The following USP45 variants were observed in gnomAD, a reference collection of about 807,000 sequenced individuals.
USP45 encodes the protein ubiquitin carboxyl-terminal hydrolase 45.
USP45 carries 89 observed loss-of-function variants against 95.8 expected under a neutral mutation model. The observed-to-expected ratio is 0.93, with a 90% CI of 0.78 to 1.11. The LOEUF is 1.11. Ranked by LOEUF, USP45 falls within the 50% of genes least tolerant of loss-of-function variation. The pLI is 0.00. For synonymous variants in USP45, 281 were observed against 316.2 expected (o/e 0.89, Z 1.18); for missense variants, 898 against 942.5 (o/e 0.95, Z 0.62).
chr6:99,490,802 G>A (rs909759646), intron 5 of USP45, among the ~76,000 whole-genome samples: 2 of 151,972 alleles, frequency 1.3e-5, no homozygotes, highest in African/African-American at 4.8e-5. Context: ...ATGAACCCGA[G>A]TGGGAGTGGC....
rs1348057709 is a variant in USP45 at position 99,470,696 on chromosome 6, A to G, written c.934-2078T>C. 5.3e-5 allele frequency among the ~76,000 whole-genome samples: 8 copies of G among 152,330 alleles called. No individual in the cohort carries two copies. The East Asian group carries it at 1.3e-3, about 26-fold the overall frequency. Reference sequence around the variant, plus strand: ...AGTTGATATAATTCAGACATTGTCTAAGCTAAAGTTGGCTTTTACACCTTG... The same window carrying G: ...AGTTGATATAATTCAGACATTGTCTGAGCTAAAGTTGGCTTTTACACCTTG... On this transcript the variant is annotated intron_variant, in intron 9 of 17. Transcript: ENST00000500704.
intron 1 of USP45, among the ~76,000 whole-genome samples, chr6:99,510,470 C>G (rs1255331789): frequency 6.6e-6 from 1 of 152,066 alleles, no homozygotes; most frequent in African/African-American, 2.4e-5. Context: ...GTTTGTGTCC[C>G]CACTCCAAAT....
rs1446058187 is a variant in USP45, at chr6:99,434,137, C to T, written c.*1579G>A. The T allele has an allele frequency of 6.6e-6, 1 of 152,164 alleles. No individual in the cohort carries two copies. The highest frequency in any genetic ancestry group is 2.4e-5 in the African/African-American group (1 of 41,454). The allele number at this position is 152,164 out of a possible 1,614,324, so 9.4% of individuals were successfully genotyped here. On this transcript the variant is annotated 3_prime_UTR_variant, in exon 18 of 18. Coordinates refer to ENST00000500704, the MANE Select transcript of USP45 (RefSeq NM_001346022.3). ...ATCAAGAAAAACACTACTAACATTT[C>T]AACATCTTAAAAATAGAATTTATGC...
At chr6:99,450,981 A>G (rs1205914053) in intron 13 of USP45, among the ~76,000 whole-genome samples, 2 of 152,234 alleles carry the variant, frequency 1.3e-5, no homozygotes, top group African/African-American at 4.8e-5. Flanking sequence ...ACAAAATTCA[A>G]CAGCCCTTAA....
chr6:99,453,658 T>TA (rs1407509779), intron 13 of USP45, among the ~76,000 whole-genome samples: 1 of 152,106 alleles, frequency 6.6e-6, no homozygotes, highest in Admixed American at 6.5e-5. Flanking sequence ...AAAACAATCC[T>TA]AAAATATGTA....
chr6:99,453,794 AC>A (rs1259357088), intron 13 of USP45, among the ~76,000 whole-genome samples: 5 of 152,060 alleles, frequency 3.3e-5, no homozygotes, highest in African/African-American at 1.2e-4. Context: ...CCCCATCTCT[AC>A]TAAAAATACA....
At chr6:99,479,163 TACAC>T (rs56121215) in intron 8 of USP45, among the ~76,000 whole-genome samples, 70 of 144,082 alleles carry the variant, frequency 4.9e-4, no homozygotes, top group East Asian at 1.2e-3. Flanking sequence ...TATACATATA[TACAC>T]ACACACACAC....
chr6:99,477,694 C>G (rs1014179133), intron 8 of USP45, among the ~76,000 whole-genome samples: 1 of 152,182 alleles, frequency 6.6e-6, no homozygotes, highest in African/African-American at 2.4e-5. Flanking sequence ...GAGTCCCTGA[C>G]TGCTAAAACA....
intron 13 of USP45, among the ~76,000 whole-genome samples, chr6:99,449,507 A>C (rs1445198447): frequency 1.1e-5 from 1 of 92,110 alleles, no homozygotes; most frequent in Non-Finnish European, 2.3e-5. Context: ...GGAGCACCCA[A>C]TACAGGAGCA....
chr6:99,473,053 A>G (rs1789839095), intron 9 of USP45, among the ~76,000 whole-genome samples: 2 of 152,002 alleles, frequency 1.3e-5, no homozygotes, highest in Non-Finnish European at 2.9e-5. Context: ...TTTAGACACA[A>G]TGTAGGTAAA....
At chr6:99,445,665 T>TGA in intron 14 of USP45, 132 bp downstream of exon 14, 1 of 701,636 alleles carries the variant, frequency 1.4e-6, no homozygotes, top group Middle Eastern at 4.1e-4. Flanking sequence ...CAGGTACAAA[T>TGA]ATGAATGAAA....
rs1478983216 is a variant in USP45, at chr6:99,445,341, G to T, written c.1975+456C>A. On this transcript the variant is annotated intron_variant, in intron 14 of 17. Transcript: ENST00000500704. The stretch of plus-strand genomic sequence containing the variant: ...CTACTAAAAATACAAAAATTAGCTG[G>T]GCATGGTGGTGGGCGCCTGTAATCT... Among the ~76,000 whole-genome samples, 98 of 152,130 alleles carry T rather than the reference G, an allele frequency of 6.4e-4. 2 individuals carry two copies. The highest frequency in any genetic ancestry group is 1.2e-4 in the Non-Finnish European group (8 of 68,000).
At position 99,435,619 on chromosome 6, in the gene USP45, C is replaced by G; in HGVS notation, c.*97G>C. On this transcript the variant is annotated 3_prime_UTR_variant, in exon 18 of 18. Coordinates refer to ENST00000500704, the MANE Select transcript of USP45 (RefSeq NM_001346022.3). ...GGACCATTTGAGGAACATGCTATTC[C>G]TACAGAAGAGGGAAGACTAGAAAGG... The G allele has an allele frequency of 9.2e-7, 1 of 1,087,484 alleles. No homozygotes were observed. Among genetic ancestry groups the G allele is most frequent in the Non-Finnish European group, 1.3e-6 (1 of 791,058 alleles). The allele number at this position is 1,087,484 out of a possible 1,614,324, so 67.4% of individuals were successfully genotyped here.
At chr6:99,462,574 T>C (rs1374227288) in intron 13 of USP45, 9 of 985,296 alleles carry the variant, frequency 9.1e-6, no homozygotes, top group Non-Finnish European at 1.1e-5. Flanking sequence ...TATGCTCAAA[T>C]TGAATTTAAC....
intron 13 of USP45, chr6:99,462,263 T>G: frequency 1.0e-6 from 1 of 984,712 alleles, no homozygotes; most frequent in Non-Finnish European, 1.2e-6. Context: ...GTTATATCCA[T>G]GTGGTGTCCA....
At chr6:99,456,831 A>G (rs952371926) in intron 13 of USP45, among the ~76,000 whole-genome samples, 5 of 152,100 alleles carry the variant, frequency 3.3e-5, no homozygotes, top group African/African-American at 1.2e-4. Flanking sequence ...ATAACCTTAA[A>G]CTCTGACCTC....
chr6:99,469,470 TAA>T (rs1788798187), intron 9 of USP45, among the ~76,000 whole-genome samples: 2 of 76,298 alleles, frequency 2.6e-5, no homozygotes, highest in Non-Finnish European at 5.9e-5. Context: ...AATATATATA[TAA>T]TATATATATA....
chr6:99,471,576 A>G (rs1789410813), intron 9 of USP45, among the ~76,000 whole-genome samples: 1 of 152,230 alleles, frequency 6.6e-6, no homozygotes, highest in Non-Finnish European at 1.5e-5. Flanking sequence ...CTGCCTTATA[A>G]AAGAACTACT....
chr6:99,490,853 A>G (rs1306428938), intron 5 of USP45, among the ~76,000 whole-genome samples: 1 of 152,192 alleles, frequency 6.6e-6, no homozygotes, highest in Non-Finnish European at 1.5e-5. Context: ...TACAGGTGTG[A>G]GCCACCGCGC....
Sources: gnomAD v4.1 joint callset for allele counts (sites outside exome capture counted in the v4.1 genomes callset) on GRCh38, gnomAD v4.1.1 for gene constraint, MANE v1.5 for transcripts, NCBI Gene and HGNC (gene_info 2026-07-23, HGNC 2026-07-21) for gene names.